Variants in SLC39A12 observed in about 807,000 individuals in gnomAD.
SLC39A12 encodes the protein zinc transporter ZIP12.
Under a neutral mutation model 71.1 loss-of-function variants are expected in SLC39A12, and 63 were observed. That is an observed-to-expected ratio of 0.89 (90% CI 0.72 to 1.09). SLC39A12 has a LOEUF of 1.09. Among genes scored for constraint, SLC39A12 ranks in the 50% least tolerant of loss-of-function variants. SLC39A12 has a pLI of 0.00. For synonymous variants in SLC39A12, 351 were observed against 301.3 expected, an observed-to-expected ratio of 1.16 and a Z score of -1.71; for missense variants, 892 against 812.6, an observed-to-expected ratio of 1.10 and a Z score of -1.19.
At chr10:18,024,737 A>T (rs1454602844) in intron 12 of SLC39A12, among the ~76,000 whole-genome samples, 1 of 151,612 alleles carries the variant, frequency 6.6e-6, no homozygotes, top group East Asian at 1.9e-4. Flanking sequence ...GAATAAATCT[A>T]TTTTTCCTTG....
chr10:18,022,512 T>A (rs1002311258), intron 12 of SLC39A12, among the ~76,000 whole-genome samples: 1 of 152,200 alleles, frequency 6.6e-6, no homozygotes, highest in Non-Finnish European at 1.5e-5. Context: ...ATGGCTATTT[T>A]ATCTTTCATT....
chr10:18,003,377 C>G lies in SLC39A12; in HGVS notation c.1947+19C>G, dbSNP rs756864307. On this transcript the variant is annotated intron_variant, in intron 12 of 12. Coordinates refer to ENST00000377369, the MANE Select transcript of SLC39A12 (RefSeq NM_001145195.2). Reference sequence around the variant, plus strand: ...TGAAATGGTAAGCTTGGTGGCTTTTCTATTTGATTTTTCTAAGCACTGAAA... The same window carrying G: ...TGAAATGGTAAGCTTGGTGGCTTTTGTATTTGATTTTTCTAAGCACTGAAA... The G allele has an allele frequency of 7.6e-6, 12 of 1,582,942 alleles. No individual in the cohort carries two copies. Among genetic ancestry groups the G allele is most frequent in the Non-Finnish European group, 1.0e-5 (12 of 1,168,220 alleles).
At chr10:18,000,850 T>C (rs1273391441) in intron 11 of SLC39A12, 25 bp downstream of exon 11, 1 of 1,604,890 alleles carries the variant, frequency 6.2e-7, no homozygotes, top group African/African-American at 1.3e-5. Context: ...GGAATTACTG[T>C]TTCTGGCCTG....
intron 4 of SLC39A12, among the ~76,000 whole-genome samples, chr10:17,976,233 A>G (rs551966014): frequency 2.0e-5 from 3 of 152,108 alleles, no homozygotes; most frequent in Non-Finnish European, 2.9e-5. Flanking sequence ...GGAGGCTTCT[A>G]TTCTGCCATC....
At chr10:18,042,624 GTCGC>G in intron 12 of SLC39A12, 77 bp from the exon 13 acceptor site, 3 of 1,404,640 alleles carry the variant, frequency 2.1e-6, no homozygotes, top group Non-Finnish European at 2.9e-6. Flanking sequence ...CTGAATAACA[GTCGC>G]TCATGTTTTC....
At chr10:17,967,440 C>G (rs1834854971) in intron 4 of SLC39A12, among the ~76,000 whole-genome samples, 1 of 152,078 alleles carries the variant, frequency 6.6e-6, no homozygotes, top group Admixed American at 6.5e-5. Flanking sequence ...GCGTAATAAT[C>G]CTATAATAGA....
At chr10:17,990,118 G>A (rs1490283231) in intron 7 of SLC39A12, among the ~76,000 whole-genome samples, 1 of 152,100 alleles carries the variant, frequency 6.6e-6, no homozygotes, top group African/African-American at 2.4e-5. Context: ...TTTGAGATCT[G>A]GGGTTTTTCT....
intron 12 of SLC39A12, among the ~76,000 whole-genome samples, chr10:18,041,665 G>GTA (rs35483679): frequency 3.4e-5 from 1 of 29,598 alleles, no homozygotes; most frequent in African/African-American, 1.0e-4. Context: ...GTATATATGT[G>GTA]TATATATATG....
chr10:17,980,548 C>T (rs971555542), intron 5 of SLC39A12, among the ~76,000 whole-genome samples: 3 of 150,134 alleles, frequency 2.0e-5, no homozygotes, highest in East Asian at 2.0e-4. Context: ...AAGTACACAA[C>T]GTCAACCTTT....
intron 6 of SLC39A12, among the ~76,000 whole-genome samples, chr10:17,982,817 T>A (rs1048148384): frequency 6.6e-6 from 1 of 151,928 alleles, no homozygotes; most frequent in Non-Finnish European, 1.5e-5. Context: ...AAAAATTGTG[T>A]CTCCTCTCGA....
At chr10:18,027,760 T>A (rs780741922) in intron 12 of SLC39A12, among the ~76,000 whole-genome samples, 1 of 152,172 alleles carries the variant, frequency 6.6e-6, no homozygotes, top group Non-Finnish European at 1.5e-5. Flanking sequence ...AGTTGTTGGT[T>A]TTTCAGTTGA....
At position 18,042,841 on chromosome 10, in the gene SLC39A12, T is replaced by A; in HGVS notation, c.*8T>A. Reference sequence around the variant, plus strand: ...CAAAATATTAAAATATAAGTGAGGATCTTCAACATCTTTCAAAAATGCATT... The same window carrying A: ...CAAAATATTAAAATATAAGTGAGGAACTTCAACATCTTTCAAAAATGCATT... On this transcript the variant is annotated 3_prime_UTR_variant, in exon 13 of 13. Coordinates refer to ENST00000377369, the MANE Select transcript of SLC39A12 (RefSeq NM_001145195.2). 6.3e-7 allele frequency: 1 copy of A among 1,598,022 alleles called. No individual in the cohort carries two copies. The highest frequency in any genetic ancestry group is 8.5e-7 in the Non-Finnish European group (1 of 1,174,146).
At chr10:17,957,559 C>T (rs940049705) in intron 2 of SLC39A12, among the ~76,000 whole-genome samples, 16 of 152,194 alleles carry the variant, frequency 1.1e-4, no homozygotes, top group African/African-American at 1.4e-4. Context: ...GAGGCAGCAG[C>T]CTTGGACAGA....
chr10:18,006,630 C>T lies in SLC39A12; in HGVS notation c.1947+3272C>T, dbSNP rs77495976. 9.0e-3 allele frequency among the ~76,000 whole-genome samples: 1,376 copies of T among 152,282 alleles called. 25 individuals carry two copies. Among genetic ancestry groups the T allele is most frequent in the African/African-American group, 0.032 (1,310 of 41,554 alleles). ...ATTAAGTTGACCAGGACTATGGGAACACCATCACACAGGACCTTCTGATGA... is the reference window on the plus strand; with the variant it reads ...ATTAAGTTGACCAGGACTATGGGAATACCATCACACAGGACCTTCTGATGA... On this transcript the variant is annotated intron_variant, in intron 12 of 12. Coordinates refer to ENST00000377369, the MANE Select transcript of SLC39A12 (RefSeq NM_001145195.2).
At position 18,030,946 on chromosome 10, in the gene SLC39A12, T is replaced by C. The variant is rs1369406751; in HGVS notation, c.1948-11759T>C. On this transcript the variant is annotated intron_variant, in intron 12 of 12. Coordinates refer to ENST00000377369, the MANE Select transcript of SLC39A12 (RefSeq NM_001145195.2). ...GTTTACTGAGAATGATGATTTCCAA[T>C]TTCATCCACGTCCCTACAAAGGACA... Among the ~76,000 whole-genome samples, 4 of 151,972 alleles carry C rather than the reference T, an allele frequency of 2.6e-5. No homozygotes were observed. In the East Asian group the frequency reaches 7.7e-4, roughly 29 times the overall value.
rs1182686432 is a variant in SLC39A12, at chr10:17,958,330, C to T, written c.262-3251C>T. The stretch of plus-strand genomic sequence containing the variant: ...TCCTTGCATCATAGACATTCTTCTT[C>T]CTACCTACCCAGCCCCATCAAACAA... On this transcript the variant is annotated intron_variant, in intron 2 of 12. Transcript: ENST00000377369. 4.6e-5 allele frequency among the ~76,000 whole-genome samples: 7 copies of T among 152,262 alleles called. No homozygotes were observed. In the South Asian group the frequency reaches 6.2e-4, roughly 14 times the overall value.
intron 12 of SLC39A12, among the ~76,000 whole-genome samples, chr10:18,006,905 C>T (rs1017039585): frequency 6.6e-6 from 1 of 152,190 alleles, no homozygotes; most frequent in African/African-American, 2.4e-5. Context: ...CCAATCAACA[C>T]CTCCTTGGAA....
Position 18,003,220 on chromosome 10 carries a change from C to T in SLC39A12, c.1809C>T (p.Ile603=). 3 of 1,614,086 alleles carry T rather than the reference C, an allele frequency of 1.9e-6. No individual in the cohort carries two copies. Among genetic ancestry groups the T allele is most frequent in the Non-Finnish European group, 2.5e-6 (3 of 1,179,988 alleles). Residue 603 remains isoleucine, a synonymous_variant, in exon 12 of 13, where the codon ATC becomes ATT. Coordinates refer to ENST00000377369, the MANE Select transcript of SLC39A12 (RefSeq NM_001145195.2). ...LSSGLSMKTA[I]LMNFISSLTA... ...CTGGACTTTCTATGAAGACTGCCAT[C>T]CTGATGAATTTTATAAGCTCCCTAA...
chr10:17,987,013 CA>C (rs1835416152), intron 6 of SLC39A12, among the ~76,000 whole-genome samples: 1 of 152,074 alleles, frequency 6.6e-6, no homozygotes, highest in South Asian at 2.1e-4. Context: ...TCAAAAACAA[CA>C]AAAACAACAA....
Sources: gnomAD v4.1 joint callset for allele counts (sites outside exome capture counted in the v4.1 genomes callset) on GRCh38, gnomAD v4.1.1 for gene constraint, MANE v1.5 for transcripts, NCBI Gene and HGNC (gene_info 2026-07-23, HGNC 2026-07-21) for gene names.